Variants in SMC6 observed in about 807,000 individuals in gnomAD.
SMC6 encodes structural maintenance of chromosomes 6.
Under a neutral mutation model 142.2 loss-of-function variants are expected in SMC6, and 79 were observed. The ratio of observed to expected loss-of-function variants is 0.56; its 90% confidence interval spans 0.46 to 0.67. The LOEUF is 0.67. Among genes scored for constraint, SMC6 ranks in the 30% least tolerant of loss-of-function variants. SMC6 has a pLI of 0.00. For synonymous variants in SMC6, 411 were observed against 412.4 expected (o/e 1.00, Z 0.04); for missense variants, 1,072 against 1,284.0 (o/e 0.83, Z 2.52).
At chr2:17,690,234 A>T (rs1667641183) in intron 23 of SMC6, among the ~76,000 whole-genome samples, 1 of 152,238 alleles carries the variant, frequency 6.6e-6, no homozygotes, top group Non-Finnish European at 1.5e-5. Context: ...TTCACTGAAT[A>T]AATTAACAAT....
rs957965091 is a variant in SMC6 at position 17,692,454 on chromosome 2, C to T, written c.2678+2698G>A. Among the ~76,000 whole-genome samples, 4 of 152,042 alleles carry T rather than the reference C, an allele frequency of 2.6e-5. No individual in the cohort carries two copies. The South Asian group carries it at 6.2e-4, about 24-fold the overall frequency. ...AAACCTCACGAAAACAAGAAATGGGCGAAGGATTCCCTATTTAATAAATGG... is the reference window on the plus strand; with the variant it reads ...AAACCTCACGAAAACAAGAAATGGGTGAAGGATTCCCTATTTAATAAATGG... On this transcript the variant is annotated intron_variant, in intron 23 of 27. Coordinates refer to ENST00000448223, the MANE Select transcript of SMC6 (RefSeq NM_001142286.2).
Position 17,695,167 on chromosome 2 carries a change from C to G in SMC6, c.2663G>C (p.Arg888Pro), listed in dbSNP as rs780409484. The part of the protein sequence containing the change: ...IQAEHASHGD[R>P]EEIMRQYQEA... ...AGCTACTTACCTCATTATTTCCTCT[C>G]GATCTCCATGACTAGCATGTTCTGC... The change falls in exon 23 of 28, where the codon CGA (arginine) becomes CCA (proline). Residue 888 changes from arginine to proline, a missense_variant. Physicochemically the swap from Arg to Pro is moderately radical, Grantham distance 103 (BLOSUM62 -2). Coordinates refer to ENST00000448223, the MANE Select transcript of SMC6 (RefSeq NM_001142286.2). 1 of 1,613,296 alleles carries G rather than the reference C, an allele frequency of 6.2e-7. No individual in the cohort carries two copies. Among genetic ancestry groups the G allele is most frequent in the Non-Finnish European group, 8.5e-7 (1 of 1,179,744 alleles).
At position 17,665,614 on chromosome 2, in the gene SMC6, C is replaced by A. The variant is rs745409467; in HGVS notation, c.3162-1G>T. The A allele has an allele frequency of 6.4e-7, 1 of 1,573,652 alleles. No homozygotes were observed. Among genetic ancestry groups the A allele is most frequent in the Non-Finnish European group, 8.7e-7 (1 of 1,154,548 alleles). ...TATCAGTTTACTGGATGGAAGTGAACTAGAAGAAGCAAAATCAATTACTCA... is the reference window on the plus strand; with the variant it reads ...TATCAGTTTACTGGATGGAAGTGAAATAGAAGAAGCAAAATCAATTACTCA... On this transcript the variant is annotated splice_acceptor_variant, in intron 27 of 27. Transcript: ENST00000448223. LOFTEE classifies it high-confidence loss of function.
chr2:17,715,986 T>TA (rs1160126823), intron 15 of SMC6, 100 bp downstream of exon 15: 1 of 985,892 alleles, frequency 1.0e-6, no homozygotes, highest in Non-Finnish European at 1.4e-6. Context: ...TTCATTATTT[T>TA]AAATGAAATC....
At chr2:17,673,655 C>T (rs139425294) in intron 25 of SMC6, among the ~76,000 whole-genome samples, 7,918 of 149,792 alleles carry the variant, frequency 0.053, 250 homozygotes, top group Middle Eastern at 0.12. Context: ...CTGCAACCTC[C>T]GCCTCCCGGG....
At position 17,713,561 on chromosome 2, in the gene SMC6, C is replaced by T. The variant is rs577881500; in HGVS notation, c.1730+1300G>A. 2,846 of 470,534 alleles carry T rather than the reference C, an allele frequency of 6.0e-3. 84 individuals are homozygous for T. Among genetic ancestry groups the T allele is most frequent in the South Asian group, 0.043 (2,782 of 64,496 alleles). 29.1% of individuals were successfully genotyped at this position (470,534 alleles called of 1,614,324 possible). On this transcript the variant is annotated intron_variant, in intron 16 of 27. Coordinates refer to ENST00000448223, the MANE Select transcript of SMC6 (RefSeq NM_001142286.2). ...ACAGAGCAGGCCCCACCAGAATGGC[C>T]AGGACTATTCTCTTTGGTCCTAAAA...
chr2:17,735,711 A>C (rs984821861), intron 5 of SMC6, among the ~76,000 whole-genome samples: 3 of 152,226 alleles, frequency 2.0e-5, no homozygotes, highest in Non-Finnish European at 4.4e-5. Context: ...GAAGAGATAT[A>C]TTAGGAGGAT....
chr2:17,696,933 A>G (rs149284987), intron 21 of SMC6, among the ~76,000 whole-genome samples: 4 of 152,294 alleles, frequency 2.6e-5, no homozygotes, highest in Non-Finnish European at 4.4e-5. Flanking sequence ...AAAGATGCAT[A>G]CTATAATGCA....
chr2:17,694,039 C>G (rs1667875440), intron 23 of SMC6, among the ~76,000 whole-genome samples: 2 of 146,366 alleles, frequency 1.4e-5, no homozygotes, highest in South Asian at 4.3e-4. Context: ...GAAATCCTGT[C>G]ATTTACAGCA....
intron 15 of SMC6, among the ~76,000 whole-genome samples, chr2:17,715,652 T>A: frequency 6.6e-6 from 1 of 151,174 alleles, no homozygotes; most frequent in Non-Finnish European, 1.5e-5. Flanking sequence ...TATGTAAGAG[T>A]GAAGTAACCA....
At chr2:17,672,358 C>A (rs768542001) in intron 25 of SMC6, among the ~76,000 whole-genome samples, 131 of 152,284 alleles carry the variant, frequency 8.6e-4, no homozygotes, top group Middle Eastern at 3.4e-3. Flanking sequence ...ATCAGAAAGT[C>A]TAGCTTGAGT....
chr2:17,685,524 A>G (rs1475456162), intron 23 of SMC6, among the ~76,000 whole-genome samples: 2 of 152,186 alleles, frequency 1.3e-5, no homozygotes, highest in Non-Finnish European at 2.9e-5. Context: ...GCAAAAAAGA[A>G]CAAACAACTT....
At chr2:17,733,152 T>C (rs904651286) in intron 5 of SMC6, among the ~76,000 whole-genome samples, 5 of 152,254 alleles carry the variant, frequency 3.3e-5, no homozygotes, top group African/African-American at 1.2e-4. Context: ...GAATTTGTAA[T>C]CATACTCTAA....
chr2:17,731,215 A>G (rs1669900147), intron 6 of SMC6, 76 bp from the exon 7 acceptor site: 3 of 938,270 alleles, frequency 3.2e-6, no homozygotes, highest in Non-Finnish European at 5.0e-6. Flanking sequence ...GTTACTTACA[A>G]AATATAAATA....
At chr2:17,728,676 G>T (rs1001646761) in intron 7 of SMC6, among the ~76,000 whole-genome samples, 1 of 152,078 alleles carries the variant, frequency 6.6e-6, no homozygotes, top group Non-Finnish European at 1.5e-5. Context: ...GACACTTAAA[G>T]ATATTAAATA....
At chr2:17,667,038 G>T (rs571788627) in intron 26 of SMC6, among the ~76,000 whole-genome samples, 1 of 152,252 alleles carries the variant, frequency 6.6e-6, no homozygotes, top group Non-Finnish European at 1.5e-5. Flanking sequence ...TGTCTTTCAG[G>T]TAATTTCTAT....
chr2:17,703,285 C>T lies in SMC6; in HGVS notation c.2014G>A (p.Glu672Lys), dbSNP rs1668356751. ...RDVDSEISDL[E>K]NEVENKTAQI... ...GCCGTCTTATTTTCAACCTCATTCT[C>T]CAAGTCACTTGATAGGAAAGGAGAA... Residue 672 changes from glutamate to lysine, a missense_variant, in exon 19 of 28, where the codon GAG becomes AAG. Physicochemically the swap from Glu to Lys is moderately conservative, Grantham distance 56. Transcript: ENST00000448223. The T allele has an allele frequency of 6.3e-7, 1 of 1,599,180 alleles. No homozygotes were observed. Among genetic ancestry groups the T allele is most frequent in the African/African-American group, 1.4e-5 (1 of 73,508 alleles).
intron 23 of SMC6, among the ~76,000 whole-genome samples, chr2:17,693,994 C>T (rs894146493): frequency 1.0e-5 from 1 of 100,132 alleles, no homozygotes; most frequent in Admixed American, 1.1e-4. Context: ...GAGCAAAACT[C>T]CATCTCAAAA....
Position 17,738,316 on chromosome 2 carries a change from A to G in SMC6, c.249T>C (p.Ser83=), listed in dbSNP as rs1390210093. 6.2e-7 allele frequency: 1 copy of G among 1,610,442 alleles called. No homozygotes were observed. Among genetic ancestry groups the G allele is most frequent in the East Asian group, 2.2e-5 (1 of 44,846 alleles). Residue 83 remains serine (S), a synonymous_variant, in exon 5 of 28, where the codon AGT becomes AGC. Transcript: ENST00000448223. ...FVVGNNGSGK[S]AVLTALIVGL... ...CGACTATGAGAGCTGTGAGTACTGCACTCTTCCCACCTAAAGAAACAGATG... is the reference window on the plus strand; with the variant it reads ...CGACTATGAGAGCTGTGAGTACTGCGCTCTTCCCACCTAAAGAAACAGATG...
Sources: allele counts gnomAD v4.1 joint callset (sites outside exome capture counted in the v4.1 genomes callset), GRCh38; gene constraint gnomAD v4.1.1; transcripts MANE v1.5; gene names NCBI Gene and HGNC (gene_info 2026-07-23, HGNC 2026-07-21).